Variants in STUM observed in about 807,000 individuals in gnomAD.
STUM encodes the protein protein stum homolog.
A neutral mutation model predicts 15.3 loss-of-function variants in STUM; 8 were observed. The observed-to-expected ratio is 0.52, with a 90% CI of 0.31 to 0.94. The LOEUF (loss-of-function observed/expected upper bound fraction) is 0.94. STUM is among the 40% of genes least tolerant of loss of function. The pLI is 0.05. For synonymous variants in STUM, 78 were observed against 88.7 expected (o/e 0.88, Z 0.68); for missense variants, 142 against 204.9 (o/e 0.69, Z 1.87).
At chr1:226,584,134 G>A (rs1667961154) in intron 1 of STUM, among the ~76,000 whole-genome samples, 1 of 152,210 alleles carries the variant, frequency 6.6e-6, no homozygotes, top group African/African-American at 2.4e-5. Context: ...AAACCAGGGT[G>A]ACTCGATGGT....
chr1:226,572,952 T>C (rs1406921236), intron 1 of STUM, among the ~76,000 whole-genome samples: 1 of 152,196 alleles, frequency 6.6e-6, no homozygotes, highest in Non-Finnish European at 1.5e-5. Flanking sequence ...GAGCCAGGGC[T>C]AGAACCCAGG....
intron 1 of STUM, among the ~76,000 whole-genome samples, chr1:226,571,962 C>T (rs766353852): frequency 6.6e-6 from 1 of 152,170 alleles, no homozygotes; most frequent in Non-Finnish European, 1.5e-5. Flanking sequence ...CCTTATTCTC[C>T]TACTTCGCAC....
Position 226,602,882 on chromosome 1 carries a change from G to A in STUM, c.*842G>A, listed in dbSNP as rs1668294026. 1 of 152,194 alleles carries A rather than the reference G, an allele frequency of 6.6e-6. No individual in the cohort carries two copies. Among genetic ancestry groups the A allele is most frequent in the African/African-American group, 2.4e-5 (1 of 41,440 alleles). 9.4% of individuals were successfully genotyped at this position (152,194 alleles called of 1,614,324 possible). A position where few individuals can be genotyped will look rare whatever the true frequency, so the allele number is the denominator to read the frequency against. On this transcript the variant is annotated 3_prime_UTR_variant, in exon 4 of 4. Transcript: ENST00000366788. ...TTCTGAAGTCATTGGGGCCAGATGT[G>A]TCTCCGAATTGAGAAATTTTAGATT...
chr1:226,560,471 T>C (rs1667522151), intron 1 of STUM, among the ~76,000 whole-genome samples: 1 of 152,238 alleles, frequency 6.6e-6, no homozygotes, highest in Non-Finnish European at 1.5e-5. Flanking sequence ...TTTCGATGAT[T>C]GTCATCTTCT....
intron 1 of STUM, among the ~76,000 whole-genome samples, chr1:226,583,260 A>G (rs1667946844): frequency 6.6e-6 from 1 of 152,236 alleles, no homozygotes; most frequent in South Asian, 2.1e-4. Flanking sequence ...GGCTATGGAT[A>G]CAGGAAGTGG....
intron 1 of STUM, among the ~76,000 whole-genome samples, chr1:226,559,748 A>G (rs939004819): frequency 6.6e-6 from 1 of 152,192 alleles, no homozygotes; most frequent in Non-Finnish European, 1.5e-5. Context: ...CCAAGGTGGG[A>G]GGATCACGAG....
chr1:226,570,863 T>C (rs774773703), intron 1 of STUM, among the ~76,000 whole-genome samples: 23 of 152,292 alleles, frequency 1.5e-4, no homozygotes, highest in Middle Eastern at 3.4e-3. Flanking sequence ...TAAAAATGCA[T>C]TTTTAATGCA....
At chr1:226,553,696 A>G (rs1284138917) in intron 1 of STUM, among the ~76,000 whole-genome samples, 1 of 152,246 alleles carries the variant, frequency 6.6e-6, no homozygotes, top group Non-Finnish European at 1.5e-5. Flanking sequence ...GAAAGGCTCT[A>G]AGCGCATAGG....
At chr1:226,571,073 A>T (rs7522940) in intron 1 of STUM, among the ~76,000 whole-genome samples, 4,403 of 152,208 alleles carry the variant, frequency 0.029, 213 homozygotes, top group African/African-American at 0.1. Flanking sequence ...TCTACTAAAA[A>T]TACAAAGATT....
rs1231140671 is a variant in STUM at position 226,565,634 on chromosome 1, G to T, written c.202+16528G>T. Among the ~76,000 whole-genome samples the T allele has an allele frequency of 6.6e-6, 1 of 152,168 alleles. No individual in the cohort carries two copies. Among genetic ancestry groups the T allele is most frequent in the Admixed American group, 6.5e-5 (1 of 15,288 alleles). ...TGGTGCTCAGGAGATGCCTCAGCTG[G>T]GGGAGGGGTGGAGACTTGAGAAGGT... On this transcript the variant is annotated intron_variant, in intron 1 of 3. Coordinates refer to ENST00000366788, the MANE Select transcript of STUM (RefSeq NM_001003665.4). The surrounding 1 kb of genome is among the most constrained non-coding windows in gnomAD (Gnocchi z 4.4).
At position 226,549,125 on chromosome 1, in the gene STUM, G is replaced by T; in HGVS notation, c.202+19G>T. On this transcript the variant is annotated intron_variant, in intron 1 of 3. Transcript: ENST00000366788. The surrounding 1 kb of genome is among the most constrained non-coding windows in gnomAD (Gnocchi z 6.8). ...GGACTGGGTAAGACACGGCTGCCGC[G>T]ACCCTTGCGACCCCCACCCCGCCGC... The T allele has an allele frequency of 1.3e-6, 2 of 1,560,586 alleles. No homozygotes were observed. Among genetic ancestry groups the T allele is most frequent in the Admixed American group, 3.8e-5 (2 of 53,206 alleles).
rs186681051 is a variant in STUM at position 226,586,831 on chromosome 1, G to A, written c.203-9971G>A. ...CACCAGACTGGCCACCCTTAACACC[G>A]ACCTGCTGGAAGGTAGGAAGGACGA... is the stretch of plus-strand genomic sequence containing the variant. On this transcript the variant is annotated intron_variant, in intron 1 of 3. Transcript: ENST00000366788. 1.7e-3 allele frequency among the ~76,000 whole-genome samples: 261 copies of A among 152,156 alleles called. 2 individuals carry two copies. The highest frequency in any genetic ancestry group is 2.7e-3 in the Non-Finnish European group (186 of 67,992).
At chr1:226,596,262 T>C (rs1668177351) in intron 1 of STUM, among the ~76,000 whole-genome samples, 1 of 119,050 alleles carries the variant, frequency 8.4e-6, no homozygotes, top group South Asian at 2.5e-4. Context: ...CACTGCACAG[T>C]GTACTACTAC....
At chr1:226,590,885 G>T (rs17580122) in intron 1 of STUM, among the ~76,000 whole-genome samples, 5,235 of 152,258 alleles carry the variant, frequency 0.034, 95 homozygotes, top group South Asian at 0.053. Context: ...AGTCTTTCCT[G>T]CTACGGCCAA....
Position 226,594,804 on chromosome 1 carries a change from G to A in STUM, c.203-1998G>A, listed in dbSNP as rs552106320. Among the ~76,000 whole-genome samples, 3 of 152,230 alleles carry A rather than the reference G, an allele frequency of 2.0e-5. No homozygotes were observed. In the South Asian group the frequency reaches 6.2e-4, roughly 32 times the overall value. ...TGAGAAGCTGGGATTACAGGCGCCC[G>A]CCACCACATCCTGCTAATTTTTGTA... On this transcript the variant is annotated intron_variant, in intron 1 of 3. Coordinates refer to ENST00000366788, the MANE Select transcript of STUM (RefSeq NM_001003665.4).
Position 226,548,872 on chromosome 1 carries a change from GT to G in STUM, c.-32del. The G allele has an allele frequency of 1.5e-6, 2 of 1,326,920 alleles. No individual in the cohort carries two copies. The highest frequency in any genetic ancestry group is 4.4e-5 in the South Asian group (2 of 45,702). The allele number at this position is 1,326,920 out of a possible 1,614,324, so 82.2% of individuals were successfully genotyped here. On this transcript the variant is annotated 5_prime_UTR_variant, in exon 1 of 4. Coordinates refer to ENST00000366788, the MANE Select transcript of STUM (RefSeq NM_001003665.4). ...CGTACGCTGGGCGCCAGCTCCGGCCGTGCTGCCCGGCTGCCTGAGAGCGCGC... is the reference window on the plus strand; with the variant it reads ...CGTACGCTGGGCGCCAGCTCCGGCCGGCTGCCCGGCTGCCTGAGAGCGCGC...
intron 1 of STUM, among the ~76,000 whole-genome samples, chr1:226,566,585 T>TG (rs1312185875): frequency 2.6e-5 from 4 of 152,194 alleles, no homozygotes; most frequent in Admixed American, 2.0e-4. Context: ...CATTTTTTTT[T>TG]GTACCAGAAG....
At chr1:226,594,997 C>G (rs1668156342) in intron 1 of STUM, among the ~76,000 whole-genome samples, 1 of 152,170 alleles carries the variant, frequency 6.6e-6, no homozygotes, top group Non-Finnish European at 1.5e-5. Flanking sequence ...CATGTGATCA[C>G]AGAGGTGGAG....
rs544856548 is a variant in STUM at position 226,552,271 on chromosome 1, A to G, written c.202+3165A>G. 2.6e-5 allele frequency among the ~76,000 whole-genome samples: 4 copies of G among 152,236 alleles called. No individual in the cohort carries two copies. The highest frequency in any genetic ancestry group is 9.6e-5 in the African/African-American group (4 of 41,534). ...AGTGGCTGGAAAGGAGAAGTGATTT[A>G]TGATCACTCCAACTCCTCACTGAAA... On this transcript the variant is annotated intron_variant, in intron 1 of 3. Transcript: ENST00000366788. This position sits in a 1 kb window ranked among gnomAD's most constrained non-coding sequence, Gnocchi z 4.7.
Sources: allele counts gnomAD v4.1 joint callset (sites outside exome capture counted in the v4.1 genomes callset), GRCh38; gene constraint gnomAD v4.1.1; non-coding constraint Gnocchi (gnomAD v3.1); transcripts MANE v1.5; gene names NCBI Gene and HGNC (gene_info 2026-07-23, HGNC 2026-07-21).